Variants in CSNK2A2IP observed in about 807,000 individuals in gnomAD.
CSNK2A2IP encodes casein kinase 2 subunit alpha' interacting protein, also known as casein kinase II subunit alpha'-interacting protein.
chr3:88,413,100 C>T, the CSNK2A2IP span, among the ~76,000 whole-genome samples: 657 of 152,074 alleles, frequency 4.3e-3, 13 homozygotes, highest in African/African-American at 0.015. Flanking sequence ...TATATTAATG[C>T]CATCTGCCTC....
chr3:88,346,665 T>A, the CSNK2A2IP span, among the ~76,000 whole-genome samples: 358 of 151,980 alleles, frequency 2.4e-3, 1 homozygote, highest in African/African-American at 8.3e-3. Context: ...AGAAAAAAAA[T>A]TTCTATATTT....
chr3:88,359,545 C>T, the CSNK2A2IP span, among the ~76,000 whole-genome samples: 5 of 151,990 alleles, frequency 3.3e-5, no homozygotes, highest in African/African-American at 1.2e-4. Context: ...GCTGTACTCA[C>T]TAGCTTGGTA....
At chr3:88,339,479 A>C in the CSNK2A2IP span, among the ~76,000 whole-genome samples, 1 of 152,080 alleles carries the variant, frequency 6.6e-6, no homozygotes, top group Non-Finnish European at 1.5e-5. Flanking sequence ...CAGCTTGGCT[A>C]TTGTGAGTAG....
At chr3:88,374,012 C>T in the CSNK2A2IP span, among the ~76,000 whole-genome samples, 4 of 151,600 alleles carry the variant, frequency 2.6e-5, no homozygotes, top group East Asian at 1.9e-4. Flanking sequence ...GTATGTATGG[C>T]TTCTTTGGTA....
At chr3:88,465,623 A>G in the CSNK2A2IP span, 1 of 1,231,694 alleles carries the variant, frequency 8.1e-7, no homozygotes, top group South Asian at 4.1e-5. Context: ...AGGTTTCTGA[A>G]TTCACCATTG....
the CSNK2A2IP span, among the ~76,000 whole-genome samples, chr3:88,380,754 G>GA: frequency 5.0e-4 from 75 of 149,464 alleles, no homozygotes; most frequent in Admixed American, 1.3e-3. Context: ...ATAAGAAACA[G>GA]AAAAAAAAAT....
the CSNK2A2IP span, among the ~76,000 whole-genome samples, chr3:88,385,188 G>T: frequency 6.6e-6 from 1 of 152,264 alleles, no homozygotes; most frequent in South Asian, 2.1e-4. Flanking sequence ...ACTTCACATT[G>T]GTCGCAGGCC....
At chr3:88,463,970 G>GATA in the CSNK2A2IP span, among the ~76,000 whole-genome samples, 33 of 150,746 alleles carry the variant, frequency 2.2e-4, no homozygotes, top group African/African-American at 6.1e-4. Context: ...TATTATGCAT[G>GATA]ATAATAATAA....
the CSNK2A2IP span, among the ~76,000 whole-genome samples, chr3:88,346,695 G>T: frequency 4.0e-5 from 6 of 151,884 alleles, no homozygotes; most frequent in Non-Finnish European, 5.9e-5. Context: ...TTTTCAAAAC[G>T]TTTGAAAATA....
At chr3:88,448,387 A>G in the CSNK2A2IP span, among the ~76,000 whole-genome samples, 1 of 152,158 alleles carries the variant, frequency 6.6e-6, no homozygotes, top group East Asian at 1.9e-4. Context: ...ATGTATTTAT[A>G]CCTTTATCTC....
At chr3:88,409,296 T>C in the CSNK2A2IP span, among the ~76,000 whole-genome samples, 7 of 152,054 alleles carry the variant, frequency 4.6e-5, no homozygotes, top group Admixed American at 3.3e-4. Flanking sequence ...TTCTGTCCTC[T>C]GTTCTGTCTT....
the CSNK2A2IP span, among the ~76,000 whole-genome samples, chr3:88,388,897 C>T: frequency 1.3e-5 from 2 of 151,986 alleles, no homozygotes; most frequent in East Asian, 3.9e-4. Context: ...ATAATAGCAC[C>T]AATTGACTCA....
At chr3:88,436,613 A>G in the CSNK2A2IP span, among the ~76,000 whole-genome samples, 12 of 152,134 alleles carry the variant, frequency 7.9e-5, no homozygotes, top group African/African-American at 2.9e-4. Context: ...GAAATACTAC[A>G]TAAGTTCATA....
the CSNK2A2IP span, chr3:88,466,408 A>C: frequency 8.1e-7 from 1 of 1,231,944 alleles, no homozygotes; most frequent in Non-Finnish European, 1.0e-6. Context: ...CACTTCACCA[A>C]ATGGCAAACA....
the CSNK2A2IP span, among the ~76,000 whole-genome samples, chr3:88,372,996 A>C: frequency 4.5e-4 from 68 of 151,670 alleles, no homozygotes; most frequent in Admixed American, 4.5e-3. Context: ...AAAAACTTGG[A>C]TAGAACTACA....
the CSNK2A2IP span, among the ~76,000 whole-genome samples, chr3:88,444,229 C>T: frequency 4.0e-5 from 6 of 150,990 alleles, no homozygotes; most frequent in Non-Finnish European, 8.9e-5. Flanking sequence ...GGAGCTTAAA[C>T]AAAAAACTTT....
the CSNK2A2IP span, among the ~76,000 whole-genome samples, chr3:88,396,350 C>A: frequency 6.6e-6 from 1 of 152,024 alleles, no homozygotes; most frequent in African/African-American, 2.4e-5. Context: ...CGTGATCCGC[C>A]CGCCTCGGCC....
At chr3:88,361,643 C>T in the CSNK2A2IP span, among the ~76,000 whole-genome samples, 1 of 151,934 alleles carries the variant, frequency 6.6e-6, no homozygotes, top group Non-Finnish European at 1.5e-5. Context: ...ATTCTTTATG[C>T]CTAGATATTT....
chr3:88,454,660 T>C, the CSNK2A2IP span, among the ~76,000 whole-genome samples: 3 of 152,098 alleles, frequency 2.0e-5, no homozygotes, highest in South Asian at 2.1e-4. Flanking sequence ...TATTGATGTA[T>C]AATTGATAAA....
Sources: allele counts gnomAD v4.1 joint callset (sites outside exome capture counted in the v4.1 genomes callset), GRCh38; gene constraint gnomAD v4.1.1; transcripts MANE v1.5; gene names NCBI Gene and HGNC (gene_info 2026-07-23, HGNC 2026-07-21).